TBC1D5: variants seen among roughly 807,000 people sequenced by gnomAD.
The protein encoded by TBC1D5 is TBC1 domain family, member 5.
TBC1D5 carries 75 observed loss-of-function variants against 100.3 expected under a neutral mutation model. The observed-to-expected ratio is 0.75, with a 90% CI of 0.62 to 0.91. The LOEUF is 0.91. TBC1D5 is among the 40% of genes least tolerant of loss of function. The probability of loss-of-function intolerance (pLI) is 0.00; values close to 1 mark genes in which losing one functional copy is unlikely to be tolerated. For synonymous variants in TBC1D5, 323 were observed against 325.6 expected (o/e 0.99, Z 0.09); for missense variants, 910 against 942.4 (o/e 0.97, Z 0.45).
chr3:17,639,215 T>C (rs916072343), intron 1 of TBC1D5, among the ~76,000 whole-genome samples: 11 of 152,252 alleles, frequency 7.2e-5, no homozygotes, highest in African/African-American at 2.6e-4. Context: ...ACGGATACCA[T>C]GCTACAAAAT....
intron 1 of TBC1D5, among the ~76,000 whole-genome samples, chr3:17,733,597 G>A (rs1232449284): frequency 6.6e-6 from 1 of 152,144 alleles, no homozygotes; most frequent in Non-Finnish European, 1.5e-5. Context: ...TGAGCTAGAA[G>A]GGTCCTTAGA....
exon 9 of TBC1D5, chr3:17,383,965 G>T (rs951719471): frequency 1.2e-6 from 2 of 1,602,506 alleles, no homozygotes; most frequent in African/African-American, 2.7e-5. Context: ...AAGAACATCT[G>T]TAAGAATTTT....
At position 17,584,581 on chromosome 3, in the gene TBC1D5, T is replaced by G. The variant is rs576281618; in HGVS notation, c.-36+39268A>C. Among the ~76,000 whole-genome samples, 18 of 152,332 alleles carry G rather than the reference T, an allele frequency of 1.2e-4. No individual in the cohort carries two copies. The East Asian group carries it at 3.1e-3, about 26-fold the overall frequency. On this transcript the variant is annotated intron_variant, in intron 2 of 21. Transcript: ENST00000253692. ...TTTCCTCTGTGAAATTCAAGTAAAATTAAATGTAATAAACTTCATTTTTTA... is the reference window on the plus strand; with the variant it reads ...TTTCCTCTGTGAAATTCAAGTAAAAGTAAATGTAATAAACTTCATTTTTTA...
intron 1 of TBC1D5, among the ~76,000 whole-genome samples, chr3:17,630,980 G>C (rs6805226): frequency 1 from 148,348 of 148,358 alleles, 74,169 homozygotes; most frequent in Middle Eastern, 1. Flanking sequence ...GGAGGCAGAC[G>C]TTGCAGTGAG....
rs1232997470 is a variant in TBC1D5, at chr3:17,519,315, C to T, written c.-35-10710G>A. 3.3e-5 allele frequency among the ~76,000 whole-genome samples: 5 copies of T among 152,346 alleles called. No individual in the cohort carries two copies. The East Asian group carries it at 9.6e-4, about 29-fold the overall frequency. On this transcript the variant is annotated intron_variant, in intron 2 of 21. Transcript: ENST00000253692. The stretch of plus-strand genomic sequence containing the variant: ...AAGTAAAGGAGGGCACCATCTCCTA[C>T]TAATTCTCCATATTTAAATTTTCTT...
chr3:17,583,786 A>G (rs982975812), intron 2 of TBC1D5, among the ~76,000 whole-genome samples: 1 of 152,184 alleles, frequency 6.6e-6, no homozygotes, highest in Non-Finnish European at 1.5e-5. Flanking sequence ...CTGCCATGGA[A>G]AACAGTTTGA....
chr3:17,592,540 A>G (rs916318109), intron 2 of TBC1D5, among the ~76,000 whole-genome samples: 3 of 152,178 alleles, frequency 2.0e-5, no homozygotes, highest in Non-Finnish European at 2.9e-5. Flanking sequence ...TAGTGGATCT[A>G]TTTGGATTTT....
chr3:17,687,542 T>C (rs1195440874), intron 1 of TBC1D5, among the ~76,000 whole-genome samples: 7 of 152,058 alleles, frequency 4.6e-5, no homozygotes, highest in East Asian at 1.9e-4. Flanking sequence ...ATTTCTCCCA[T>C]GTAAATGTCC....
intron 1 of TBC1D5, among the ~76,000 whole-genome samples, chr3:17,737,088 T>C (rs2077019384): frequency 6.6e-6 from 1 of 152,174 alleles, no homozygotes; most frequent in Non-Finnish European, 1.5e-5. Context: ...TGATCCCCAC[T>C]TATCAGCAAA....
rs2096273952 is a variant in TBC1D5 at position 17,535,609 on chromosome 3, ACTGGTAT to A, written c.-35-27011_-35-27005del. On this transcript the variant is annotated intron_variant, in intron 2 of 21. Transcript: ENST00000253692. The stretch of plus-strand genomic sequence containing the variant: ...CGGTCTGTAACTTGGCATAAAAAGT[ACTGGTAT>A]CAGCCCAAGAGAACATTTTTTGTTC... 6.6e-5 allele frequency among the ~76,000 whole-genome samples: 10 copies of A among 152,276 alleles called. No individual in the cohort carries two copies. In the South Asian group the frequency reaches 2.1e-3, roughly 32 times the overall value.
intron 3 of TBC1D5, among the ~76,000 whole-genome samples, chr3:17,494,607 G>C (rs2095681188): frequency 6.6e-6 from 1 of 152,162 alleles, no homozygotes; most frequent in Non-Finnish European, 1.5e-5. Context: ...CCCCTGGCTG[G>C]AGTTGCTGAA....
chr3:17,178,807 T>A (rs1331321848), intron 19 of TBC1D5, among the ~76,000 whole-genome samples: 4 of 150,918 alleles, frequency 2.7e-5, no homozygotes, highest in African/African-American at 4.9e-5. Context: ...GCCCAACTAA[T>A]TTTTAATTTT....
intron 13 of TBC1D5, among the ~76,000 whole-genome samples, chr3:17,317,374 T>TATGAAGGAGCC (rs2084823238): frequency 3.3e-5 from 5 of 152,216 alleles, no homozygotes; most frequent in Admixed American, 2.6e-4. Context: ...AACAGGAAAC[T>TATGAAGGAGCC]ATGAAGGAGC....
At chr3:17,330,344 C>A (rs541703434) in intron 13 of TBC1D5, among the ~76,000 whole-genome samples, 2 of 152,274 alleles carry the variant, frequency 1.3e-5, no homozygotes, top group African/African-American at 4.8e-5. Context: ...TCAGGGTAAT[C>A]TCTCAAATAT....
intron 17 of TBC1D5, among the ~76,000 whole-genome samples, chr3:17,218,664 A>G (rs2073926806): frequency 6.6e-6 from 1 of 151,976 alleles, no homozygotes; most frequent in Non-Finnish European, 1.5e-5. Context: ...TTTGAAGGAT[A>G]GTTTTATTGG....
chr3:17,204,262 T>A lies in TBC1D5; in HGVS notation c.1752+9945A>T, dbSNP rs149905652. 4.6e-5 allele frequency among the ~76,000 whole-genome samples: 7 copies of A among 152,264 alleles called. No individual in the cohort carries two copies. The East Asian group carries it at 1.3e-3, about 29-fold the overall frequency. ...ATCTGGTCTCTGGCCTTGGCTGACC[T>A]CCAATTGCCCAGACAAGTCAAAGCC... On this transcript the variant is annotated intron_variant, in intron 18 of 21. Transcript: ENST00000253692.
At chr3:17,402,359 A>G (rs947595112) in intron 8 of TBC1D5, among the ~76,000 whole-genome samples, 2 of 152,132 alleles carry the variant, frequency 1.3e-5, no homozygotes, top group Middle Eastern at 3.2e-3. Context: ...GATACTCACG[A>G]TTCTGCACAT....
At chr3:17,540,725 G>A (rs950560754) in intron 2 of TBC1D5, among the ~76,000 whole-genome samples, 9 of 151,598 alleles carry the variant, frequency 5.9e-5, no homozygotes, top group African/African-American at 1.9e-4. Context: ...TGGCCAACAT[G>A]GTGAAACCCC....
chr3:17,530,099 C>T (rs1350471570), intron 2 of TBC1D5, among the ~76,000 whole-genome samples: 2 of 151,906 alleles, frequency 1.3e-5, no homozygotes, highest in Admixed American at 1.3e-4. Flanking sequence ...CAAAAATTAG[C>T]CAGACATGGT....
Sources: gnomAD v4.1 joint callset for allele counts (sites outside exome capture counted in the v4.1 genomes callset) on GRCh38, gnomAD v4.1.1 for gene constraint, MANE v1.5 for transcripts, NCBI Gene and HGNC (gene_info 2026-07-23, HGNC 2026-07-21) for gene names.